The following N4BP2L2 variants were observed in gnomAD, a reference collection of about 807,000 sequenced individuals.
The protein encoded by N4BP2L2 is NEDD4-binding protein 2-like 2.
Under a neutral mutation model 56.2 loss-of-function variants are expected in N4BP2L2, and 50 were observed. That is an observed-to-expected ratio of 0.89 (90% CI 0.71 to 1.13). N4BP2L2 has a LOEUF of 1.13. Ranked by LOEUF, N4BP2L2 falls within the 50% of genes most tolerant of loss-of-function variation. The pLI is 0.00. For synonymous variants in N4BP2L2, 203 were observed against 223.6 expected, an observed-to-expected ratio of 0.91 and a Z score of 0.82; for missense variants, 689 against 693.8, an observed-to-expected ratio of 0.99 and a Z score of 0.08.
At chr13:32,536,787 G>T in exon 2 of N4BP2L2, 1 of 1,614,064 alleles carries the variant, frequency 6.2e-7, no homozygotes, top group Non-Finnish European at 8.5e-7. Context: ...TCATGCAAAG[G>T]TCTATGCAAA....
At chr13:32,494,639 G>A (rs1321646208) in intron 6 of N4BP2L2, among the ~76,000 whole-genome samples, 4 of 151,806 alleles carry the variant, frequency 2.6e-5, no homozygotes, top group African/African-American at 9.7e-5. Flanking sequence ...GGTGGTGGGC[G>A]CCTGTAATCC....
At chr13:32,519,570 C>T (rs542294205) in intron 5 of N4BP2L2, among the ~76,000 whole-genome samples, 2 of 152,120 alleles carry the variant, frequency 1.3e-5, no homozygotes, top group South Asian at 2.1e-4. Flanking sequence ...GCAGGGGAAT[C>T]GCTTGAACCT....
intron 7 of N4BP2L2, chr13:32,438,792 C>T: frequency 1.5e-6 from 2 of 1,359,740 alleles, no homozygotes; most frequent in East Asian, 4.8e-5. Flanking sequence ...GATTTTTGCC[C>T]TAACTGTGAA....
intron 6 of N4BP2L2, among the ~76,000 whole-genome samples, chr13:32,499,922 A>C (rs2089629993): frequency 6.6e-6 from 1 of 152,186 alleles, no homozygotes; most frequent in East Asian, 1.9e-4. Flanking sequence ...ATGCTCTAGA[A>C]TCATTCTTCT....
At chr13:32,526,818 GTTTTTTT>G (rs35925361) in intron 3 of N4BP2L2, 6 of 24,244 alleles carry the variant, frequency 2.5e-4, no homozygotes, top group East Asian at 1.6e-3. Context: ...CTTTTTGTCT[GTTTTTTT>G]TTTTTTTTTT....
intron 5 of N4BP2L2, 61 bp downstream of exon 5, chr13:32,521,312 G>A: frequency 8.1e-7 from 1 of 1,236,444 alleles, no homozygotes; most frequent in Non-Finnish European, 1.2e-6. Flanking sequence ...GTGAAAGGAT[G>A]TCAGAATTCA....
chr13:32,489,633 T>C (rs577161182), intron 6 of N4BP2L2, among the ~76,000 whole-genome samples: 1 of 152,332 alleles, frequency 6.6e-6, no homozygotes, highest in East Asian at 1.9e-4. Flanking sequence ...CACACTGCTG[T>C]ACGCATATAA....
chr13:32,522,228 T>C (rs371236293), exon 4 of N4BP2L2: 21 of 1,575,510 alleles, frequency 1.3e-5, no homozygotes, highest in Non-Finnish European at 1.8e-5. Flanking sequence ...ATTAGTGTTA[T>C]CTATTATAAC....
intron 2 of N4BP2L2, among the ~76,000 whole-genome samples, chr13:32,530,972 T>C (rs2054610466): frequency 6.6e-6 from 1 of 152,036 alleles, no homozygotes; most frequent in Non-Finnish European, 1.5e-5. Flanking sequence ...ATCAGCTGTC[T>C]TGTGAATGGA....
At chr13:32,508,515 C>A (rs1424683507), downstream of N4BP2L2, 1 of 152,140 alleles carries the variant, frequency 6.6e-6, no homozygotes, top group Non-Finnish European at 1.5e-5. Context: ...GGAACTCAGA[C>A]TGCCTAACTC....
chr13:32,435,091 TA>T (rs1049096087), intron 9 of N4BP2L2, among the ~76,000 whole-genome samples: 10 of 152,260 alleles, frequency 6.6e-5, no homozygotes, highest in African/African-American at 2.2e-4. Context: ...CAGTCAGAGG[TA>T]GGCTAGAGGC....
chr13:32,492,914 CTGT>C (rs1593839809), intron 6 of N4BP2L2, among the ~76,000 whole-genome samples: 1 of 96,774 alleles, frequency 1.0e-5, no homozygotes, highest in East Asian at 2.8e-4. Flanking sequence ...TGTAGCTTTT[CTGT>C]TTTTTTTTTT....
At chr13:32,454,421 G>A (rs2078613110) in intron 6 of N4BP2L2, among the ~76,000 whole-genome samples, 1 of 152,040 alleles carries the variant, frequency 6.6e-6, no homozygotes, top group South Asian at 2.1e-4. Flanking sequence ...AACCTTGGGG[G>A]GGAGGGGGTG....
intron 6 of N4BP2L2, among the ~76,000 whole-genome samples, chr13:32,485,457 C>T (rs1160992808): frequency 6.6e-6 from 1 of 152,144 alleles, no homozygotes; most frequent in East Asian, 1.9e-4. Context: ...GCCAGTATCA[C>T]TTTGATATAA....
intron 6 of N4BP2L2, among the ~76,000 whole-genome samples, chr13:32,472,949 G>T (rs1170366597): frequency 6.6e-6 from 1 of 151,934 alleles, no homozygotes; most frequent in African/African-American, 2.4e-5. Context: ...GATTTCAAAG[G>T]GTATGATTTT....
At chr13:32,446,255 A>G (rs2077029774) in intron 6 of N4BP2L2, 1 of 698,534 alleles carries the variant, frequency 1.4e-6, no homozygotes, top group East Asian at 6.5e-5. Context: ...TACTCTAAGG[A>G]ACACTAATGT....
At chr13:32,532,781 G>C (rs1443816883) in intron 2 of N4BP2L2, among the ~76,000 whole-genome samples, 1 of 151,152 alleles carries the variant, frequency 6.6e-6, no homozygotes, top group Non-Finnish European at 1.5e-5. Flanking sequence ...AGTAGAGATG[G>C]GGTTTCACAA....
At chr13:32,475,478 T>A (rs2083145175) in intron 6 of N4BP2L2, among the ~76,000 whole-genome samples, 1 of 152,208 alleles carries the variant, frequency 6.6e-6, no homozygotes, top group Admixed American at 6.5e-5. Context: ...AGGCGGTGTC[T>A]GATTTACATA....
Position 32,446,525 on chromosome 13 carries a change from G to A in N4BP2L2, c.366-2399C>T, listed in dbSNP as rs999777029. Reference sequence around the variant, plus strand: ...AAAAGAACAAATAGAGTTTGTTGTTGCGTTATTCATTCGATTAAATGGTAA... The same window carrying A: ...AAAAGAACAAATAGAGTTTGTTGTTACGTTATTCATTCGATTAAATGGTAA... On this transcript the variant is annotated intron_variant, in intron 6 of 9. Transcript: ENST00000357505. 3.1e-6 allele frequency: 4 copies of A among 1,298,134 alleles called. No individual in the cohort carries two copies. In the African/African-American group the frequency reaches 4.6e-5, roughly 15 times the overall value. The allele number at this position is 1,298,134 out of a possible 1,614,324, so 80.4% of individuals were successfully genotyped here.
Sources: gnomAD v4.1 joint callset for allele counts (sites outside exome capture counted in the v4.1 genomes callset) on GRCh38, gnomAD v4.1.1 for gene constraint, MANE v1.5 for transcripts, NCBI Gene and HGNC (gene_info 2026-07-23, HGNC 2026-07-21) for gene names.